The following PCDHA13 variants were observed in gnomAD, a reference collection of about 807,000 sequenced individuals.
PCDHA13 encodes the protein protocadherin alpha 13.
In PCDHA13, 54 loss-of-function variants were observed where a neutral mutation model predicts 64.8. The ratio of observed to expected loss-of-function variants is 0.83; its 90% CI spans 0.67 to 1.04. PCDHA13 has a LOEUF of 1.04. Among genes scored for constraint, PCDHA13 ranks in the 50% least tolerant of loss-of-function variants. The pLI, the probability that PCDHA13 is intolerant of heterozygous loss-of-function variation, is 0.00. For missense variants in PCDHA13, 1,248 were observed against 1,254.3 expected (o/e 0.99, Z 0.08); for synonymous variants, 587 against 564.4 (o/e 1.04, Z -0.57).
chr5:140,983,308 T>C (rs2153831139), intron 3 of PCDHA13, among the ~76,000 whole-genome samples: 1 of 152,322 alleles, frequency 6.6e-6, no homozygotes, highest in East Asian at 1.9e-4. Context: ...CACATTTGCT[T>C]GGTATCCTTA....
chr5:141,006,680 G>A (rs1449792614), intron 3 of PCDHA13, among the ~76,000 whole-genome samples: 5 of 152,036 alleles, frequency 3.3e-5, no homozygotes, highest in African/African-American at 1.2e-4. Flanking sequence ...AGTGAAAATT[G>A]GGAGAAGAGG....
intron 1 of PCDHA13, chr5:140,968,133 A>G (rs782213191): frequency 1.5e-5 from 24 of 1,614,022 alleles, no homozygotes; most frequent in Middle Eastern, 3.3e-4. Flanking sequence ...CGTACACTGA[A>G]GGTTGAGATC....
intron 2 of PCDHA13, among the ~76,000 whole-genome samples, chr5:140,979,343 AATT>A (rs1482354475): frequency 8.6e-5 from 13 of 152,024 alleles, no homozygotes; most frequent in African/African-American, 3.1e-4. Flanking sequence ...TAAAAACTGT[AATT>A]AATACTCATG....
chr5:140,884,820 T>C (rs1318105542), intron 1 of PCDHA13, 158 bp downstream of exon 1: 4 of 1,013,184 alleles, frequency 3.9e-6, no homozygotes, highest in African/African-American at 3.3e-5. Context: ...GTGGACATTA[T>C]GTGTTGGATT....
chr5:140,882,832 A>T lies in PCDHA13; in HGVS notation c.564A>T (p.Gln188His), dbSNP rs781961557. Reference protein sequence around the residue: ...FTLDAQNSLEQMSSLSLVLRK... With the variant: ...FTLDAQNSLEHMSSLSLVLRK... ...TGGACGCACAAAACAGTCTTGAGCA[A>T]ATGTCTTCATTATCACTTGTACTGA... The change falls in exon 1 of 4, where the codon CAA becomes CAT. Residue 188 changes from glutamine (Q) to histidine (H), a missense_variant. Gln to His is a conservative substitution (Grantham distance 24). Transcript: ENST00000289272. 6.2e-7 allele frequency: 1 copy of T among 1,614,216 alleles called. No individual in the cohort carries two copies. The highest frequency in any genetic ancestry group is 8.5e-7 in the Non-Finnish European group (1 of 1,180,042).
At chr5:140,894,652 A>G (rs578187402) in intron 1 of PCDHA13, among the ~76,000 whole-genome samples, 234 of 151,944 alleles carry the variant, frequency 1.5e-3, no homozygotes, top group African/African-American at 4.9e-3. Flanking sequence ...GAGTCTCTCT[A>G]ATTCTGATTT....
At chr5:141,009,118 C>G (rs2098400274) in intron 3 of PCDHA13, among the ~76,000 whole-genome samples, 1 of 152,182 alleles carries the variant, frequency 6.6e-6, no homozygotes, top group Non-Finnish European at 1.5e-5. Flanking sequence ...AAACTAGATT[C>G]TTGGTATCCT....
chr5:140,973,493 C>T (rs1050229284), intron 1 of PCDHA13, among the ~76,000 whole-genome samples: 1 of 152,116 alleles, frequency 6.6e-6, no homozygotes, highest in African/African-American at 2.4e-5. Context: ...TCACAGGACT[C>T]TTCTTCTGAG....
chr5:140,901,599 A>C (rs1196199794), intron 1 of PCDHA13, among the ~76,000 whole-genome samples: 1 of 152,132 alleles, frequency 6.6e-6, no homozygotes, highest in Non-Finnish European at 1.5e-5. Flanking sequence ...TTTGGTTACT[A>C]TATCTCTATG....
intron 1 of PCDHA13, among the ~76,000 whole-genome samples, chr5:140,910,613 C>T (rs1470911168): frequency 1.3e-5 from 2 of 152,192 alleles, no homozygotes; most frequent in Admixed American, 1.3e-4. Context: ...ACTGACTAAT[C>T]CACTCCACCA....
At position 140,967,061 on chromosome 5, in the gene PCDHA13, C is replaced by G. The variant is rs1554229125; in HGVS notation, c.2395-11888C>G. The G allele has an allele frequency of 1.9e-6, 3 of 1,612,886 alleles. No individual in the cohort carries two copies. The Admixed American group carries it at 5.0e-5, about 27-fold the overall frequency. On this transcript the variant is annotated intron_variant, in intron 1 of 3. Coordinates refer to ENST00000289272, the MANE Select transcript of PCDHA13 (RefSeq NM_018904.3). ...GGAGCTGGACCTGACGAGTGGAGCG[C>G]TCTTCGTCAACGAGCGCATTGATCG...
chr5:140,929,279 T>C (rs368682683), intron 1 of PCDHA13: 1 of 1,603,874 alleles, frequency 6.2e-7, no homozygotes, highest in Non-Finnish European at 8.5e-7. Context: ...ATATCCTGTA[T>C]TCAGATTCGG....
intron 3 of PCDHA13, among the ~76,000 whole-genome samples, chr5:141,003,132 C>G (rs1391034413): frequency 6.6e-6 from 1 of 152,208 alleles, no homozygotes; most frequent in African/African-American, 2.4e-5. Flanking sequence ...CTGGCATTTG[C>G]CTTGGCAAAG....
intron 1 of PCDHA13, chr5:140,966,441 C>A (rs2096002534): frequency 4.7e-6 from 2 of 424,804 alleles, no homozygotes; most frequent in South Asian, 1.8e-4. Context: ...CTACCGCTCC[C>A]TTTCCCCCTC....
At chr5:140,918,943 T>C (rs1554198839) in intron 1 of PCDHA13, among the ~76,000 whole-genome samples, 1 of 152,220 alleles carries the variant, frequency 6.6e-6, no homozygotes, top group Non-Finnish European at 1.5e-5. Context: ...TGTTATAATA[T>C]CCTGAACAGA....
chr5:140,960,031 G>A (rs1331929817), intron 1 of PCDHA13, among the ~76,000 whole-genome samples: 4 of 152,220 alleles, frequency 2.6e-5, no homozygotes, highest in African/African-American at 7.2e-5. Flanking sequence ...TGTTAAGTCC[G>A]GCTGTTTATT....
intron 1 of PCDHA13, among the ~76,000 whole-genome samples, chr5:140,922,430 A>C (rs574413053): frequency 6.6e-6 from 1 of 152,364 alleles, no homozygotes; most frequent in East Asian, 1.9e-4. Flanking sequence ...GGCTGAGGGC[A>C]GAACTCTCTC....
chr5:140,886,552 G>A (rs188986859), intron 1 of PCDHA13, among the ~76,000 whole-genome samples: 132 of 151,712 alleles, frequency 8.7e-4, no homozygotes, highest in Middle Eastern at 3.4e-3. Flanking sequence ...TCCCAGCTGG[G>A]CACGGTGGCT....
intron 1 of PCDHA13, among the ~76,000 whole-genome samples, chr5:140,972,728 A>T (rs189687890): frequency 6.8e-6 from 1 of 147,854 alleles, no homozygotes; most frequent in East Asian, 2.0e-4. Context: ...CAGTGGCGTA[A>T]TCCCGGCTCA....
Sources: gnomAD v4.1 joint callset for allele counts (sites outside exome capture counted in the v4.1 genomes callset) on GRCh38, gnomAD v4.1.1 for gene constraint, MANE v1.5 for transcripts, NCBI Gene and HGNC (gene_info 2026-07-23, HGNC 2026-07-21) for gene names.